ROCK1: variants seen among roughly 807,000 people sequenced by gnomAD.
ROCK1 encodes the protein Rho associated coiled-coil containing protein kinase 1, also known as rho-associated protein kinase 1.
ROCK1 carries 36 observed loss-of-function variants against 196.8 expected under a neutral mutation model. The ratio of observed to expected loss-of-function variants is 0.18; its 90% CI spans 0.14 to 0.24. The LOEUF is 0.24. ROCK1 is among the 10% of genes least tolerant of loss of function. The pLI is 1.00. For missense variants in ROCK1, 920 were observed against 1,562.0 expected (o/e 0.59, Z 6.93); for synonymous variants, 443 against 515.9 (o/e 0.86, Z 1.91).
At chr18:20,986,820 A>G (rs2035582192) in intron 19 of ROCK1, 130 bp downstream of exon 19, 1 of 805,140 alleles carries the variant, frequency 1.2e-6, no homozygotes, top group African/African-American at 1.8e-5. Flanking sequence ...TACAGCAGTG[A>G]ACACAGACCC....
intron 1 of ROCK1, among the ~76,000 whole-genome samples, chr18:21,102,339 C>T (rs2036666049): frequency 6.6e-6 from 1 of 152,158 alleles, no homozygotes; most frequent in African/African-American, 2.4e-5. Context: ...AAGTCATGAT[C>T]ATATCTCTTA....
At chr18:21,075,373 T>C (rs539328884) in intron 1 of ROCK1, among the ~76,000 whole-genome samples, 8 of 152,142 alleles carry the variant, frequency 5.3e-5, no homozygotes, top group Non-Finnish European at 7.3e-5. Context: ...TTGATGTGAG[T>C]AGACAGTGAC....
intron 9 of ROCK1, among the ~76,000 whole-genome samples, chr18:21,038,104 C>A (rs940739296): frequency 2.6e-5 from 4 of 152,082 alleles, no homozygotes; most frequent in African/African-American, 9.7e-5. Flanking sequence ...AATATTTGTA[C>A]GTCTTCAGCC....
At chr18:21,062,219 A>T (rs565491994) in intron 2 of ROCK1, among the ~76,000 whole-genome samples, 18 of 152,136 alleles carry the variant, frequency 1.2e-4, no homozygotes, top group Non-Finnish European at 2.2e-4. Flanking sequence ...TTCAGGGCTG[A>T]GGGAAAATAT....
At chr18:21,011,435 C>T (rs1409234646) in intron 13 of ROCK1, among the ~76,000 whole-genome samples, 1 of 152,120 alleles carries the variant, frequency 6.6e-6, no homozygotes, top group South Asian at 2.1e-4. Context: ...GTATAAACAT[C>T]TTCCCTTTCT....
intron 1 of ROCK1, among the ~76,000 whole-genome samples, chr18:21,095,294 G>C (rs969568584): frequency 6.6e-6 from 1 of 151,990 alleles, no homozygotes; most frequent in Admixed American, 6.6e-5. Context: ...ATGGAGAACA[G>C]TTTGGCGGTT....
chr18:20,991,437 C>T, intron 17 of ROCK1, 111 bp from the exon 18 acceptor site: 1 of 697,000 alleles, frequency 1.4e-6, no homozygotes, highest in Non-Finnish European at 2.3e-6. Flanking sequence ...TTAAAAATCA[C>T]AATAAACACA....
At chr18:21,022,091 A>T (rs572559612) in intron 11 of ROCK1, among the ~76,000 whole-genome samples, 102 of 150,800 alleles carry the variant, frequency 6.8e-4, no homozygotes, top group African/African-American at 2.5e-3. Flanking sequence ...AGCTTTTTAA[A>T]AATGGCTGCT....
chr18:21,051,754 GA>G (rs1434893779), intron 2 of ROCK1, among the ~76,000 whole-genome samples: 1 of 152,200 alleles, frequency 6.6e-6, no homozygotes, highest in African/African-American at 2.4e-5. Context: ...AGGTGTCAGA[GA>G]AGAGACAGAG....
At chr18:21,083,169 T>C (rs774649617) in intron 1 of ROCK1, among the ~76,000 whole-genome samples, 3 of 152,118 alleles carry the variant, frequency 2.0e-5, no homozygotes, top group African/African-American at 4.8e-5. Context: ...CCATAAAACA[T>C]TGCTGAAATT....
At chr18:21,103,672 T>G (rs538396982) in intron 1 of ROCK1, among the ~76,000 whole-genome samples, 1 of 152,232 alleles carries the variant, frequency 6.6e-6, no homozygotes, top group African/African-American at 2.4e-5. Flanking sequence ...CTCAAACTCC[T>G]GGGCTCAAGG....
intron 29 of ROCK1, among the ~76,000 whole-genome samples, chr18:20,957,875 T>C (rs951621543): frequency 5.9e-5 from 9 of 152,024 alleles, no homozygotes; most frequent in Middle Eastern, 3.2e-3. Flanking sequence ...GGTCTCAAAT[T>C]GAACTCAGGC....
At chr18:21,083,989 C>T (rs938388332) in intron 1 of ROCK1, among the ~76,000 whole-genome samples, 9 of 152,070 alleles carry the variant, frequency 5.9e-5, no homozygotes, top group Non-Finnish European at 1.3e-4. Flanking sequence ...TACATATGGT[C>T]AATTAATTTC....
In ROCK1 at chr18:20,976,498, G is replaced by A. The variant is rs1348241314; in HGVS notation, c.2654+3412C>T. Among the ~76,000 whole-genome samples, 3 of 152,078 alleles carry A rather than the reference G, an allele frequency of 2.0e-5. No individual in the cohort carries two copies. In the South Asian group the frequency reaches 6.2e-4, roughly 32 times the overall value. ...ACATACTGGGCCAGTGTTATCATGT[G>A]GTAACAAATGGCTGGAACTGAGAAG... On this transcript the variant is annotated intron_variant, in intron 22 of 32. Transcript: ENST00000399799.
At chr18:20,982,234 A>G (rs1194395862) in intron 21 of ROCK1, among the ~76,000 whole-genome samples, 1 of 152,158 alleles carries the variant, frequency 6.6e-6, no homozygotes, top group Non-Finnish European at 1.5e-5. Context: ...CACTCAGGGA[A>G]AGAGTTTTCA....
intron 1 of ROCK1, among the ~76,000 whole-genome samples, chr18:21,094,105 T>C (rs2036593385): frequency 6.6e-6 from 1 of 152,224 alleles, no homozygotes; most frequent in Admixed American, 6.5e-5. Flanking sequence ...AAAGTTCCAG[T>C]GCTGTAGGCA....
At chr18:20,981,992 C>A (rs1274141394) in intron 21 of ROCK1, among the ~76,000 whole-genome samples, 1 of 152,074 alleles carries the variant, frequency 6.6e-6, no homozygotes, top group Non-Finnish European at 1.5e-5. Flanking sequence ...AATCCAATGC[C>A]CACAAGCAAT....
rs1008741126 is a variant in ROCK1, at chr18:20,975,667, G to A, written c.2654+4243C>T. On this transcript the variant is annotated intron_variant, in intron 22 of 32. Transcript: ENST00000399799. ...ACTCTGTTGCCCAGGATGGAGTGCCGTGGCACCATCTAGGCTCACTGCAAG... is the reference window on the plus strand; with the variant it reads ...ACTCTGTTGCCCAGGATGGAGTGCCATGGCACCATCTAGGCTCACTGCAAG... Among the ~76,000 whole-genome samples the A allele has an allele frequency of 4.6e-5, 7 of 151,910 alleles. No homozygotes were observed. In the East Asian group the frequency reaches 5.8e-4, roughly 13 times the overall value.
intron 16 of ROCK1, among the ~76,000 whole-genome samples, chr18:20,994,787 T>C (rs2035656581): frequency 6.6e-6 from 1 of 152,174 alleles, no homozygotes; most frequent in East Asian, 1.9e-4. Context: ...TGAAAAGAAA[T>C]GTCGGAAATA....
Sources: gnomAD v4.1 joint callset for allele counts (sites outside exome capture counted in the v4.1 genomes callset) on GRCh38, gnomAD v4.1.1 for gene constraint, MANE v1.5 for transcripts, NCBI Gene and HGNC (gene_info 2026-07-23, HGNC 2026-07-21) for gene names.